Variants in RHBDF1 observed in about 807,000 individuals in gnomAD.
RHBDF1 encodes rhomboid 5 homolog 1.
Under a neutral mutation model 98.6 loss-of-function variants are expected in RHBDF1, and 80 were observed. That is an observed-to-expected ratio of 0.81 (90% CI 0.68 to 0.98). The LOEUF is 0.98. Ranked by LOEUF, RHBDF1 falls within the 50% of genes least tolerant of loss-of-function variation. The probability of loss-of-function intolerance (pLI) is 0.00; values close to 1 mark genes in which losing one functional copy is unlikely to be tolerated. For synonymous variants in RHBDF1, 512 were observed against 486.8 expected, an observed-to-expected ratio of 1.05 and a Z score of -0.68; for missense variants, 1,116 against 1,198.3, an observed-to-expected ratio of 0.93 and a Z score of 1.01.
intron 1 of RHBDF1, among the ~76,000 whole-genome samples, chr16:72,226 G>GC (rs1897990677): frequency 6.6e-6 from 1 of 152,156 alleles, no homozygotes; most frequent in Non-Finnish European, 1.5e-5. Context: ...CGGCCAGGCC[G>GC]CTGGGGCTGC....
intron 1 of RHBDF1, among the ~76,000 whole-genome samples, chr16:71,403 A>G (rs1337298476): frequency 6.6e-6 from 1 of 152,170 alleles, no homozygotes; most frequent in Non-Finnish European, 1.5e-5. Flanking sequence ...CTTGAGCCCC[A>G]GCCAGCTGCT....
intron 1 of RHBDF1, among the ~76,000 whole-genome samples, chr16:69,092 TG>T (rs1227949258): frequency 1.3e-5 from 2 of 152,092 alleles, no homozygotes; most frequent in Non-Finnish European, 2.9e-5. Flanking sequence ...GGGCAGGAGC[TG>T]GGGGGTGAAA....
At chr16:71,772 C>A (rs1348192119) in intron 1 of RHBDF1, among the ~76,000 whole-genome samples, 1 of 152,132 alleles carries the variant, frequency 6.6e-6, no homozygotes, top group Admixed American at 6.5e-5. Flanking sequence ...GCCCCACAAA[C>A]ATGCCCCCAG....
At chr16:60,954 G>T in intron 11 of RHBDF1, 166 bp downstream of exon 11, 1 of 705,600 alleles carries the variant, frequency 1.4e-6, no homozygotes, top group South Asian at 1.9e-5. Flanking sequence ...AGCTGGAGAT[G>T]GGGGAGGGTG....
intron 2 of RHBDF1, 33 bp from the exon 3 acceptor site, chr16:64,862 CA>C (rs1477122423): frequency 7.4e-6 from 12 of 1,613,900 alleles, no homozygotes; most frequent in Non-Finnish European, 9.3e-6. Flanking sequence ...GGGTACTGGA[CA>C]GGGGGCACCC....
intron 3 of RHBDF1, chr16:64,434 TC>T: frequency 1.4e-6 from 2 of 1,459,866 alleles, no homozygotes; most frequent in East Asian, 6.2e-5. Flanking sequence ...AGCGTACTTG[TC>T]GGCTGCTAAG....
At chr16:68,219 G>A (rs540192761) in intron 1 of RHBDF1, among the ~76,000 whole-genome samples, 8 of 152,348 alleles carry the variant, frequency 5.3e-5, no homozygotes, top group African/African-American at 1.7e-4. Context: ...CCTGAGAACC[G>A]ACAGTTATAG....
chr16:60,049 G>A (rs965748673), intron 13 of RHBDF1, 167 bp downstream of exon 13: 25 of 1,484,570 alleles, frequency 1.7e-5, no homozygotes, highest in African/African-American at 4.2e-5. Context: ...TGCTCAGAGG[G>A]GCAGGCGCTG....
At chr16:68,896 G>C (rs1427701582) in intron 1 of RHBDF1, among the ~76,000 whole-genome samples, 2 of 152,224 alleles carry the variant, frequency 1.3e-5, no homozygotes, top group East Asian at 3.8e-4. Flanking sequence ...AGGAGCCGAT[G>C]CAGGGAGGCC....
Position 58,372 on chromosome 16 carries a change from C to G in RHBDF1, c.2536G>C (p.Glu846Gln). 1 of 1,613,598 alleles carries G rather than the reference C, an allele frequency of 6.2e-7. No homozygotes were observed. Among genetic ancestry groups the G allele is most frequent in the Non-Finnish European group, 8.5e-7 (1 of 1,179,972 alleles). ...TCIPFTDKFC[E>Q]KYELDAQLH ...AGCTGAGCGTCCAGTTCGTACTTCT[C>G]ACAGAACTTGTCAGTGAAGGGGATG... Residue 846 changes from glutamate to glutamine, a missense_variant, in exon 18 of 18, where the codon GAG (glutamate) becomes CAG (glutamine). Physicochemically the swap from Glu to Gln is conservative, Grantham distance 29 (BLOSUM62 2). Transcript: ENST00000262316.
upstream of RHBDF1, chr16:72,666 C>A: frequency 1.0e-6 from 1 of 980,654 alleles, no homozygotes; most frequent in Non-Finnish European, 1.2e-6. Context: ...GGGGCGGGCC[C>A]GGCCGGAGCG....
intron 1 of RHBDF1, among the ~76,000 whole-genome samples, chr16:67,909 G>C (rs571510825): frequency 1.1e-3 from 162 of 152,242 alleles, no homozygotes; most frequent in African/African-American, 3.6e-3. Context: ...GAACAGTCAG[G>C]GGGTGAGAAG....
At position 61,629 on chromosome 16, in the gene RHBDF1, C is replaced by A; in HGVS notation, c.1276G>T (p.Gly426Cys). ...TGCGAGAAGCCCACGGGCGCGATGC[C>A]ATAGATGCACACGGCTAGGATGGTG... ...LVTILAVCIY[G>C]IAPVGFSQHE... Residue 426 changes from glycine to cysteine, a missense_variant, in exon 9 of 18, where the codon GGC (glycine) becomes TGC (cysteine). Coordinates refer to ENST00000262316, the MANE Select transcript of RHBDF1 (RefSeq NM_022450.5). 1 of 1,613,498 alleles carries A rather than the reference C, an allele frequency of 6.2e-7. No individual in the cohort carries two copies. Among genetic ancestry groups the A allele is most frequent in the East Asian group, 2.2e-5 (1 of 44,858 alleles).
At position 63,016 on chromosome 16, in the gene RHBDF1, G is replaced by A. The variant is rs1313836021; in HGVS notation, c.629C>T (p.Ser210Leu). Residue 210 changes from serine to leucine, a missense_variant, in exon 5 of 18, where the codon TCG becomes TTG. Ser to Leu is a moderately radical substitution (Grantham distance 145, BLOSUM62 -2). Transcript: ENST00000262316. ...CGCCCGGAAGCTCATCTTGGCCACC[G>A]ACTCTCGCTTGCGCCGCCGCGGGAG... is the stretch of plus-strand genomic sequence containing the variant. ...HRLPRRRKRE[S>L]VAKMSFRAAA... 9.9e-6 allele frequency: 16 copies of A among 1,612,188 alleles called. No individual in the cohort carries two copies. In the Middle Eastern group the frequency reaches 5.0e-4, roughly 50 times the overall value.
At chr16:68,171 C>T (rs1260612278) in intron 1 of RHBDF1, among the ~76,000 whole-genome samples, 1 of 152,194 alleles carries the variant, frequency 6.6e-6, no homozygotes, top group African/African-American at 2.4e-5. Flanking sequence ...CCCACCTCCA[C>T]AAAAACCCCC....
chr16:71,876 G>A (rs1567119730), intron 1 of RHBDF1, among the ~76,000 whole-genome samples: 1 of 152,258 alleles, frequency 6.6e-6, no homozygotes, highest in Non-Finnish European at 1.5e-5. Flanking sequence ...GTTGGCCTCT[G>A]CGCACAGAGT....
chr16:58,395 A>T lies in RHBDF1; in HGVS notation c.2513T>A (p.Ile838Asn), dbSNP rs1897463796. Residue 838 changes from isoleucine to asparagine, a missense_variant, in exon 18 of 18, where the codon ATC (isoleucine) becomes AAC (asparagine). Coordinates refer to ENST00000262316, the MANE Select transcript of RHBDF1 (RefSeq NM_022450.5). ...CTCACAGAACTTGTCAGTGAAGGGG[A>T]TGCAGGTGAGGAACTCACACCACTC... Reference protein sequence around the residue: ...RCEWCEFLTCIPFTDKFCEKY... With the variant: ...RCEWCEFLTCNPFTDKFCEKY... 6.2e-7 allele frequency: 1 copy of T among 1,613,818 alleles called. No individual in the cohort carries two copies. The highest frequency in any genetic ancestry group is 8.5e-7 in the Non-Finnish European group (1 of 1,180,044).
chr16:73,391 G>C (rs1898027889), upstream of RHBDF1, among the ~76,000 whole-genome samples: 2 of 152,178 alleles, frequency 1.3e-5, no homozygotes, highest in South Asian at 2.1e-4. Context: ...AGGCAGCGCA[G>C]TGTCTGGTGT....
At chr16:69,756 T>C (rs1198771649) in intron 1 of RHBDF1, among the ~76,000 whole-genome samples, 15 of 152,176 alleles carry the variant, frequency 9.9e-5, no homozygotes, top group Non-Finnish European at 2.9e-5. Flanking sequence ...CAGTGAAGCC[T>C]CTTCTTTTCT....
Sources: allele counts gnomAD v4.1 joint callset (sites outside exome capture counted in the v4.1 genomes callset), GRCh38; gene constraint gnomAD v4.1.1; transcripts MANE v1.5; gene names NCBI Gene and HGNC (gene_info 2026-07-23, HGNC 2026-07-21).